The following GABRA2 variants were observed in gnomAD, a reference collection of about 807,000 sequenced individuals.
The protein encoded by GABRA2 is gamma-aminobutyric acid receptor subunit alpha-2.
A neutral mutation model predicts 48.7 loss-of-function variants in GABRA2; 16 were observed. That is an observed-to-expected ratio of 0.33 (90% confidence interval 0.22 to 0.50). The LOEUF is 0.50. Among genes scored for constraint, GABRA2 ranks in the 20% least tolerant of loss-of-function variants. The probability of loss-of-function intolerance (pLI) is 0.98; values close to 1 mark genes in which losing one functional copy is unlikely to be tolerated. For missense variants in GABRA2, 275 were observed against 535.6 expected (o/e 0.51, Z 4.80); for synonymous variants, 185 against 184.5 (o/e 1.00, Z -0.02).
intron 4 of GABRA2, among the ~76,000 whole-genome samples, chr4:46,316,363 C>T (rs889905760): frequency 1.3e-5 from 2 of 151,976 alleles, no homozygotes; most frequent in Non-Finnish European, 2.9e-5. Context: ...CCAACTCTGC[C>T]ACTGCAATGT....
At chr4:46,313,198 A>C (rs1362068645) in intron 4 of GABRA2, among the ~76,000 whole-genome samples, 1 of 150,620 alleles carries the variant, frequency 6.6e-6, no homozygotes, top group African/African-American at 2.4e-5. Flanking sequence ...AACAGAAAAA[A>C]TTAAAAAGAA....
intron 3 of GABRA2, among the ~76,000 whole-genome samples, chr4:46,333,256 A>T (rs1731675767): frequency 6.6e-6 from 1 of 152,146 alleles, no homozygotes; most frequent in Admixed American, 6.6e-5. Context: ...GCTTGTTTTT[A>T]AATGTATTTA....
intron 8 of GABRA2, among the ~76,000 whole-genome samples, chr4:46,266,975 C>T (rs1453264902): frequency 1.3e-5 from 2 of 151,938 alleles, no homozygotes; most frequent in African/African-American, 2.4e-5. Context: ...CCACCATCCT[C>T]GGCCTCCCAA....
At chr4:46,302,815 C>G (rs572024214) in intron 8 of GABRA2, among the ~76,000 whole-genome samples, 4 of 152,286 alleles carry the variant, frequency 2.6e-5, no homozygotes, top group African/African-American at 7.2e-5. Context: ...CTGCACTTCT[C>G]CTGCTTTGCT....
In GABRA2 at chr4:46,336,796, G is replaced by A. The variant is rs140515585; in HGVS notation, c.188-4114C>T. 8.0e-4 allele frequency among the ~76,000 whole-genome samples: 121 copies of A among 152,068 alleles called. 1 individual carries two copies. The East Asian group carries it at 0.017, about 21-fold the overall frequency. On this transcript the variant is annotated intron_variant, in intron 3 of 9. Coordinates refer to ENST00000381620, the MANE Select transcript of GABRA2 (RefSeq NM_000807.4). ...TTTAAAATTAATCCTAATCAATTTTGACAAAATCTTAAGATATGATGGGGG... is the reference window on the plus strand; with the variant it reads ...TTTAAAATTAATCCTAATCAATTTTAACAAAATCTTAAGATATGATGGGGG...
At chr4:46,320,382 T>C (rs746455678) in intron 4 of GABRA2, among the ~76,000 whole-genome samples, 2 of 151,862 alleles carry the variant, frequency 1.3e-5, no homozygotes, top group Middle Eastern at 3.2e-3. Flanking sequence ...GCAATGAGTG[T>C]TTTGAACATC....
intron 3 of GABRA2, among the ~76,000 whole-genome samples, chr4:46,359,495 C>A (rs1712802002): frequency 6.6e-6 from 1 of 152,056 alleles, no homozygotes; most frequent in Non-Finnish European, 1.5e-5. Context: ...AAATGTGTAA[C>A]TACAACAACA....
intron 4 of GABRA2, among the ~76,000 whole-genome samples, chr4:46,317,219 T>C (rs1728695875): frequency 6.6e-6 from 1 of 151,882 alleles, no homozygotes. Context: ...GGAAGCAGGT[T>C]GGTTATAACT....
chr4:46,336,188 C>A (rs1732205622), intron 3 of GABRA2, among the ~76,000 whole-genome samples: 1 of 152,100 alleles, frequency 6.6e-6, no homozygotes, highest in East Asian at 1.9e-4. Context: ...CATTTTAATT[C>A]ATGTAGAATA....
At chr4:46,378,259 C>A (rs34490936) in intron 3 of GABRA2, among the ~76,000 whole-genome samples, 1 of 152,124 alleles carries the variant, frequency 6.6e-6, no homozygotes, top group East Asian at 1.9e-4. Context: ...GGATGGTTGC[C>A]GTGTCTGTGT....
chr4:46,330,035 G>A (rs1731062222), intron 4 of GABRA2, among the ~76,000 whole-genome samples: 1 of 151,976 alleles, frequency 6.6e-6, no homozygotes, highest in Non-Finnish European at 1.5e-5. Flanking sequence ...ATTTGGGTGT[G>A]CATATACATA....
chr4:46,371,921 A>G (rs1306233617), intron 3 of GABRA2, among the ~76,000 whole-genome samples: 1 of 152,182 alleles, frequency 6.6e-6, no homozygotes, highest in Non-Finnish European at 1.5e-5. Context: ...GTTGTAGGAC[A>G]TGGTAGCCTG....
rs1714339425 is a variant in GABRA2 at position 46,249,671 on chromosome 4, T to C, written c.*637A>G. 6.6e-6 allele frequency: 1 copy of C among 151,538 alleles called. No individual in the cohort carries two copies. Among genetic ancestry groups the C allele is most frequent in the African/African-American group, 2.4e-5 (1 of 41,368 alleles). The allele number at this position is 151,538 out of a possible 1,614,324, so 9.4% of individuals were successfully genotyped here. Reference sequence around the variant, plus strand: ...GTAATGACCATGACATTCCAATAGTTATTACATCGTAGGCATAATTAACAT... The same window carrying C: ...GTAATGACCATGACATTCCAATAGTCATTACATCGTAGGCATAATTAACAT... On this transcript the variant is annotated 3_prime_UTR_variant, in exon 10 of 10. Coordinates refer to ENST00000381620, the MANE Select transcript of GABRA2 (RefSeq NM_000807.4).
At chr4:46,259,349 C>T (rs532780) in intron 9 of GABRA2, among the ~76,000 whole-genome samples, 94,399 of 151,556 alleles carry the variant, frequency 0.62, 30,004 homozygotes, top group South Asian at 0.76. Context: ...AATGATAAGA[C>T]TTTCTTGTCT....
chr4:46,350,806 T>C (rs1247828244), intron 3 of GABRA2, among the ~76,000 whole-genome samples: 1 of 151,802 alleles, frequency 6.6e-6, no homozygotes, highest in African/African-American at 2.4e-5. Context: ...ATAGAAAACA[T>C]AGTATGTAGA....
intron 3 of GABRA2, among the ~76,000 whole-genome samples, chr4:46,374,211 G>T (rs761829258): frequency 6.6e-6 from 1 of 152,078 alleles, no homozygotes; most frequent in Non-Finnish European, 1.5e-5. Context: ...TAGTAACTCA[G>T]CATCTTTTGC....
intron 6 of GABRA2, among the ~76,000 whole-genome samples, chr4:46,309,445 C>T (rs780761072): frequency 6.6e-6 from 1 of 152,016 alleles, no homozygotes; most frequent in Non-Finnish European, 1.5e-5. Flanking sequence ...CAATAGGACA[C>T]CCTCACACAA....
At chr4:46,349,305 T>C (rs1304240805) in intron 3 of GABRA2, among the ~76,000 whole-genome samples, 1 of 151,984 alleles carries the variant, frequency 6.6e-6, no homozygotes, top group East Asian at 1.9e-4. Context: ...ATGGCTTTTA[T>C]GTAGGGAATC....
At chr4:46,322,076 G>A (rs752619851) in intron 4 of GABRA2, among the ~76,000 whole-genome samples, 7 of 151,920 alleles carry the variant, frequency 4.6e-5, no homozygotes, top group African/African-American at 9.7e-5. Flanking sequence ...GTATGTTCCC[G>A]TTTTACTACT....
Sources: allele counts gnomAD v4.1 joint callset (sites outside exome capture counted in the v4.1 genomes callset), GRCh38; gene constraint gnomAD v4.1.1; transcripts MANE v1.5; gene names NCBI Gene and HGNC (gene_info 2026-07-23, HGNC 2026-07-21).